SPATA7: variants seen among roughly 807,000 people sequenced by gnomAD.
SPATA7 encodes spermatogenesis associated 7, also known as spermatogenesis-associated protein 7.
SPATA7 carries 43 observed loss-of-function variants against 51.8 expected under a neutral mutation model. The ratio of observed to expected loss-of-function variants is 0.83; its 90% CI spans 0.65 to 1.07. The LOEUF (loss-of-function observed/expected upper bound fraction) is 1.07. Among genes scored for constraint, SPATA7 ranks in the 50% least tolerant of loss-of-function variants. The pLI is 0.00. For synonymous variants in SPATA7, 230 were observed against 252.8 expected, an observed-to-expected ratio of 0.91 and a Z score of 0.86; for missense variants, 683 against 701.3, an observed-to-expected ratio of 0.97 and a Z score of 0.30.
In SPATA7 at chr14:88,429,392, T is replaced by C. The variant is rs1408555151; in HGVS notation, c.957T>C (p.Pro319=). The C allele has an allele frequency of 6.2e-7, 1 of 1,612,756 alleles. No individual in the cohort carries two copies. Among genetic ancestry groups the C allele is most frequent in the South Asian group, 1.1e-5 (1 of 91,062 alleles). ...ATGATGCCAAAGAAAAAATAGCTCC[T>C]TTACCTTTAGAAGGGCATGACTCAA... ...VTYDAKEKIA[P]LPLEGHDSTW... The change falls in exon 8 of 12, where the codon CCT becomes CCC. Residue 319 remains proline (P), a synonymous_variant. Coordinates refer to ENST00000393545, the MANE Select transcript of SPATA7 (RefSeq NM_018418.5).
intron 1 of SPATA7, among the ~76,000 whole-genome samples, chr14:88,391,005 C>T (rs892472985): frequency 2.6e-5 from 4 of 152,064 alleles, no homozygotes; most frequent in Admixed American, 6.6e-5. Context: ...AAGCTTTGTT[C>T]TCTGGTCTTA....
chr14:88,437,487 A>T, intron 10 of SPATA7, 56 bp from the exon 11 acceptor site: 1 of 1,268,784 alleles, frequency 7.9e-7, no homozygotes, highest in Non-Finnish European at 1.1e-6. Context: ...TAGCTAGTTT[A>T]TATTTAGATG....
At chr14:88,468,011 G>A (rs1330092292) in intron 4 of SPATA7, 19 of 1,220,178 alleles carry the variant, frequency 1.6e-5, no homozygotes, top group African/African-American at 4.6e-5. Flanking sequence ...TTCAGACTGC[G>A]CCACTTACGT....
At chr14:88,402,879 T>A (rs1219879428) in intron 4 of SPATA7, among the ~76,000 whole-genome samples, 1 of 138,464 alleles carries the variant, frequency 7.2e-6, no homozygotes, top group East Asian at 2.2e-4. Flanking sequence ...ACTTACAGAA[T>A]GGGAGGAAAT....
At chr14:88,405,625 G>C (rs1295719421) in intron 4 of SPATA7, among the ~76,000 whole-genome samples, 1 of 152,216 alleles carries the variant, frequency 6.6e-6, no homozygotes, top group Non-Finnish European at 1.5e-5. Context: ...CCAAGACTTA[G>C]AACCTCTCAG....
intron 4 of SPATA7, among the ~76,000 whole-genome samples, chr14:88,462,558 TAAG>T (rs1488996365): frequency 4.6e-5 from 7 of 152,234 alleles, no homozygotes; most frequent in African/African-American, 1.7e-4. Context: ...CAACTGAAAT[TAAG>T]TAGTAGTCTT....
chr14:88,469,563 G>C lies in SPATA7; in HGVS notation c.255-284G>C. On this transcript the variant is annotated intron_variant, in intron 4 of 4. Coordinates refer to the SPATA7 transcript ENST00000556406. The surrounding 1 kb of genome is among the most constrained non-coding windows in gnomAD (Gnocchi z 4.3). ...GCCAGTCTGTGTATTGGAGGTGCCA[G>C]ACGGTCCTCTCTTGCCCAGTAAGGA... 1 of 1,614,164 alleles carries C rather than the reference G, an allele frequency of 6.2e-7. No homozygotes were observed. Among genetic ancestry groups the C allele is most frequent in the South Asian group, 1.1e-5 (1 of 91,072 alleles).
At position 88,465,204 on chromosome 14, in the gene SPATA7, C is replaced by G; in HGVS notation, c.255-4643C>G. On this transcript the variant is annotated intron_variant, in intron 4 of 4. Coordinates refer to the SPATA7 transcript ENST00000556406. ...CTTTCTGGCTGGACACAGTGGCTCACGCCTGTAATCCCAGCACTTTGGGAG... is the reference window on the plus strand; with the variant it reads ...CTTTCTGGCTGGACACAGTGGCTCAGGCCTGTAATCCCAGCACTTTGGGAG... Among the ~76,000 whole-genome samples, 5 of 152,266 alleles carry G rather than the reference C, an allele frequency of 3.3e-5. No homozygotes were observed. In the South Asian group the frequency reaches 1.0e-3, roughly 32 times the overall value.
intron 4 of SPATA7, among the ~76,000 whole-genome samples, chr14:88,401,030 C>T (rs1488207795): frequency 6.6e-6 from 1 of 152,082 alleles, no homozygotes; most frequent in Non-Finnish European, 1.5e-5. Flanking sequence ...CAAAACCAAA[C>T]AAAGACAACA....
chr14:88,437,560 TCGAGCGACA>T lies in SPATA7; in HGVS notation c.1179_1187del (p.Glu394_His396del). 1 of 1,611,016 alleles carries T rather than the reference TCGAGCGACA, an allele frequency of 6.2e-7. No individual in the cohort carries two copies. Among genetic ancestry groups the T allele is most frequent in the African/African-American group, 1.3e-5 (1 of 74,894 alleles). ...ATTTGTAGGTTTTTAGAACGACTGT[TCGAGCGACA>T]TATAAAACAAAATAAACATTTGGAG... On this transcript the variant is annotated inframe_deletion, in exon 11 of 12. Coordinates refer to ENST00000393545, the MANE Select transcript of SPATA7 (RefSeq NM_018418.5).
At chr14:88,418,762 C>A (rs1049196755) in intron 5 of SPATA7, among the ~76,000 whole-genome samples, 3 of 152,196 alleles carry the variant, frequency 2.0e-5, no homozygotes, top group Non-Finnish European at 4.4e-5. Context: ...GCGTGAGCCA[C>A]CATGCCCGGC....
intron 5 of SPATA7, among the ~76,000 whole-genome samples, chr14:88,419,045 A>G (rs1244554808): frequency 6.6e-6 from 1 of 152,206 alleles, no homozygotes; most frequent in Non-Finnish European, 1.5e-5. Context: ...AGTATTTGAT[A>G]TATAGTATAT....
intron 3 of SPATA7, 146 bp downstream of exon 3, chr14:88,393,634 A>G (rs1380974062): frequency 9.7e-6 from 6 of 619,694 alleles, no homozygotes; most frequent in Non-Finnish European, 1.7e-5. Context: ...CAAACTATTG[A>G]CTCTAGGTAC....
At position 88,469,845 on chromosome 14, in the gene SPATA7, A is replaced by G. The variant is rs145187915; in HGVS notation, c.255-2A>G. ...AACCCTACCCTGCCTTTTTCTCCAC[A>G]GGTCAGGATTCCAGATGATTAACAT... On this transcript the variant is annotated splice_acceptor_variant, in intron 4 of 4. Coordinates refer to the SPATA7 transcript ENST00000556406. LOFTEE classifies it high-confidence loss of function. The surrounding 1 kb of genome is among the most constrained non-coding windows in gnomAD (Gnocchi z 4.3). 1.2e-6 allele frequency: 2 copies of G among 1,607,940 alleles called. No homozygotes were observed. Among genetic ancestry groups the G allele is most frequent in the Non-Finnish European group, 1.7e-6 (2 of 1,174,608 alleles).
At chr14:88,451,254 C>T (rs1440328997) in intron 3 of SPATA7, among the ~76,000 whole-genome samples, 1 of 152,200 alleles carries the variant, frequency 6.6e-6, no homozygotes, top group Non-Finnish European at 1.5e-5. Flanking sequence ...CCTGCAACCT[C>T]TGCCTCCTGG....
At chr14:88,437,522 A>G (rs766807468) in intron 10 of SPATA7, 21 bp from the exon 11 acceptor site, 1 of 1,578,364 alleles carries the variant, frequency 6.3e-7, no homozygotes, top group Non-Finnish European at 8.7e-7. Context: ...AGACATTAAC[A>G]TTTTTGTTTA....
intron 4 of SPATA7, among the ~76,000 whole-genome samples, chr14:88,465,238 A>G (rs998336594): frequency 2.6e-5 from 4 of 152,304 alleles, no homozygotes; most frequent in Non-Finnish European, 5.9e-5. Flanking sequence ...AGGCCGAGGC[A>G]GACAGATCAC....
intron 4 of SPATA7, among the ~76,000 whole-genome samples, chr14:88,408,919 T>G (rs545585105): frequency 6.6e-6 from 1 of 152,340 alleles, no homozygotes; most frequent in East Asian, 1.9e-4. Flanking sequence ...TTTATTGATT[T>G]GCATATGTTG....
intron 3 of SPATA7, among the ~76,000 whole-genome samples, chr14:88,448,099 C>G (rs1196155829): frequency 3.3e-5 from 5 of 152,092 alleles, no homozygotes; most frequent in Admixed American, 2.0e-4. Flanking sequence ...TGGTTCCATT[C>G]TCCCCGTCAC....
Sources: gnomAD v4.1 joint callset for allele counts (sites outside exome capture counted in the v4.1 genomes callset) on GRCh38, gnomAD v4.1.1 for gene constraint, Gnocchi (gnomAD v3.1) non-coding constraint, MANE v1.5 for transcripts, NCBI Gene and HGNC (gene_info 2026-07-23, HGNC 2026-07-21) for gene names.